The following COL11A1 variants were observed in gnomAD, a reference collection of about 807,000 sequenced individuals.
COL11A1 encodes collagen type XI alpha 1 chain.
In COL11A1, 74 loss-of-function variants were observed where a neutral mutation model predicts 265.2. The ratio of observed to expected loss-of-function variants is 0.28; its 90% CI spans 0.23 to 0.34. The LOEUF (loss-of-function observed/expected upper bound fraction) is 0.34. Among genes scored for constraint, COL11A1 ranks in the 10% least tolerant of loss-of-function variants. The probability of loss-of-function intolerance (pLI) is 1.00; values close to 1 mark genes in which losing one functional copy is unlikely to be tolerated. For missense variants in COL11A1, 2,165 were observed against 2,263.6 expected (o/e 0.96, Z 0.88); for synonymous variants, 816 against 727.6 (o/e 1.12, Z -1.96).
chr1:102,932,106 T>A (rs568304545), intron 46 of COL11A1, among the ~76,000 whole-genome samples: 3 of 151,432 alleles, frequency 2.0e-5, no homozygotes, highest in Admixed American at 6.6e-5. Flanking sequence ...AAAGTTAATA[T>A]TGTTATGTGT....
At chr1:103,019,363 G>C (rs1384217811) in intron 9 of COL11A1, among the ~76,000 whole-genome samples, 1 of 152,018 alleles carries the variant, frequency 6.6e-6, no homozygotes, top group Non-Finnish European at 1.5e-5. Context: ...AAGGAATAAA[G>C]AGCTATTCAG....
At chr1:103,053,689 T>C (rs1007381750) in intron 4 of COL11A1, among the ~76,000 whole-genome samples, 2 of 152,190 alleles carry the variant, frequency 1.3e-5, no homozygotes, top group Non-Finnish European at 2.9e-5. Flanking sequence ...TCTACTCTTA[T>C]ACAAGTGGTC....
intron 57 of COL11A1, 55 bp from the exon 58 acceptor site, chr1:102,890,559 G>A: frequency 1.4e-6 from 2 of 1,459,640 alleles, no homozygotes; most frequent in Non-Finnish European, 1.9e-6. Flanking sequence ...GTATGAATTA[G>A]AGAATCCTAT....
intron 1 of COL11A1, among the ~76,000 whole-genome samples, chr1:103,104,661 TAA>T (rs970255299): frequency 1.3e-5 from 2 of 152,188 alleles, no homozygotes; most frequent in African/African-American, 4.8e-5. Flanking sequence ...CTGTGCCACC[TAA>T]ACTGAAGCTA....
At chr1:102,967,365 A>C (rs926994836) in intron 37 of COL11A1, among the ~76,000 whole-genome samples, 4 of 144,850 alleles carry the variant, frequency 2.8e-5, no homozygotes, top group Non-Finnish European at 6.0e-5. Flanking sequence ...TTCAGCCTCC[A>C]GAGTAGCTGG....
At position 103,004,491 on chromosome 1, in the gene COL11A1, G is replaced by A. The variant is rs1386442730; in HGVS notation, c.1900-3C>T. The A allele has an allele frequency of 6.2e-7, 1 of 1,611,226 alleles. No individual in the cohort carries two copies. Among genetic ancestry groups the A allele is most frequent in the Admixed American group, 1.7e-5 (1 of 59,988 alleles). ...GGTCCAATTTCTCCATCTTCTCCCT[G>A]TCATTGACAAAATGAATGAGAGTAT... is the stretch of plus-strand genomic sequence containing the variant. On this transcript the variant is annotated splice_polypyrimidine_tract_variant and splice_region_variant and intron_variant, in intron 19 of 66. Coordinates refer to ENST00000370096, the MANE Select transcript of COL11A1 (RefSeq NM_001854.4).
intron 49 of COL11A1, 138 bp from the exon 50 acceptor site, chr1:102,915,822 C>CA (rs2101040072): frequency 1.4e-6 from 1 of 700,852 alleles, no homozygotes; most frequent in South Asian, 2.1e-5. Flanking sequence ...ACTTTAATAA[C>CA]AAAAATAAAT....
At chr1:103,036,232 G>T (rs1380850313) in intron 4 of COL11A1, among the ~76,000 whole-genome samples, 1 of 148,118 alleles carries the variant, frequency 6.8e-6, no homozygotes, top group Non-Finnish European at 1.5e-5. Flanking sequence ...TCCTTTCCAG[G>T]GATAGAAATT....
chr1:102,963,742 T>C (rs1012186092), intron 38 of COL11A1, among the ~76,000 whole-genome samples: 4 of 152,162 alleles, frequency 2.6e-5, no homozygotes, highest in Admixed American at 6.5e-5. Flanking sequence ...TGCTGTAATT[T>C]CTCAACTTAA....
chr1:102,914,807 G>C lies in COL11A1; in HGVS notation c.3821C>G (p.Pro1274Arg). The part of the protein sequence containing the change: ...GPPGEAGVGG[P>R]KGERGEKGEA... ...CCCTTTCTCTCCTCTTTCTCCTTTG[G>C]GACCCTAAACAATGTTAAAAAAAAA... The change falls in exon 51 of 67, where the codon CCC becomes CGC. Residue 1274 changes from proline (P) to arginine (R), a missense_variant. By Grantham distance (103) the Pro-to-Arg change is moderately radical. Transcript: ENST00000370096. 1.3e-6 allele frequency: 2 copies of C among 1,589,348 alleles called. No homozygotes were observed. The highest frequency in any genetic ancestry group is 1.7e-6 in the Non-Finnish European group (2 of 1,169,500).
In COL11A1 at chr1:103,031,249, G is replaced by GAAAAA; in HGVS notation, c.652-10_652-6dup. Reference sequence around the variant, plus strand: ...CAAAAACTGCTGAATGTCCCCCTGGGAAAAAAAAAAAAACAAAAACAAACA... The same window carrying GAAAAA: ...CAAAAACTGCTGAATGTCCCCCTGGGAAAAAAAAAAAAAAAAAACAAAAACAAACA... On this transcript the variant is annotated splice_polypyrimidine_tract_variant and splice_region_variant and intron_variant, in intron 4 of 66. Coordinates refer to ENST00000370096, the MANE Select transcript of COL11A1 (RefSeq NM_001854.4). The GAAAAA allele has an allele frequency of 3.4e-5, 47 of 1,363,202 alleles. No individual in the cohort carries two copies. Among genetic ancestry groups the GAAAAA allele is most frequent in the African/African-American group, 1.2e-4 (8 of 69,544 alleles). The allele number at this position is 1,363,202 out of a possible 1,614,324, so 84.4% of individuals were successfully genotyped here.
chr1:103,083,030 G>C, intron 1 of COL11A1, 58 bp from the exon 2 acceptor site: 2 of 1,517,394 alleles, frequency 1.3e-6, no homozygotes, highest in Non-Finnish European at 1.8e-6. Flanking sequence ...ATATAACAAT[G>C]AGTATTTTTA....
chr1:103,033,927 C>T (rs978253605), intron 4 of COL11A1, among the ~76,000 whole-genome samples: 2 of 152,076 alleles, frequency 1.3e-5, no homozygotes, highest in Non-Finnish European at 2.9e-5. Flanking sequence ...TGCCACTGCA[C>T]CTGGCTGTTT....
intron 28 of COL11A1, among the ~76,000 whole-genome samples, chr1:102,994,874 C>T (rs1664475627): frequency 6.6e-6 from 1 of 151,598 alleles, no homozygotes; most frequent in African/African-American, 2.4e-5. Context: ...CTGGGGAATC[C>T]TCAAGAAACT....
intron 24 of COL11A1, 80 bp from the exon 25 acceptor site, chr1:102,998,443 T>C: frequency 2.4e-4 from 210 of 890,032 alleles, no homozygotes; most frequent in African/African-American, 5.6e-4. Flanking sequence ...ATGAATGAAA[T>C]TCTTATCCTG....
At chr1:102,895,699 A>G (rs1652340318) in intron 57 of COL11A1, among the ~76,000 whole-genome samples, 1 of 151,112 alleles carries the variant, frequency 6.6e-6, no homozygotes, top group African/African-American at 2.4e-5. Context: ...CCACACTTAC[A>G]CCTCTCTGTT....
intron 1 of COL11A1, among the ~76,000 whole-genome samples, chr1:103,097,636 C>T (rs569821229): frequency 5.3e-4 from 81 of 152,112 alleles, no homozygotes; most frequent in African/African-American, 1.9e-3. Context: ...TTATAACTAT[C>T]TTTGCCCACC....
chr1:102,898,644 T>A, intron 56 of COL11A1, 22 bp downstream of exon 56: 1 of 1,595,482 alleles, frequency 6.3e-7, no homozygotes, highest in African/African-American at 1.3e-5. Flanking sequence ...CAAAATGGCA[T>A]CTTTTTAACA....
chr1:102,989,647 T>G (rs1663930026), intron 28 of COL11A1, 76 bp from the exon 29 acceptor site: 6 of 1,055,846 alleles, frequency 5.7e-6, no homozygotes, highest in South Asian at 5.4e-5. Context: ...CTATAAAAAT[T>G]TATGTGCTGA....
Sources: allele counts gnomAD v4.1 joint callset (sites outside exome capture counted in the v4.1 genomes callset), GRCh38; gene constraint gnomAD v4.1.1; transcripts MANE v1.5; gene names NCBI Gene and HGNC (gene_info 2026-07-23, HGNC 2026-07-21).